PCDH9: variants seen among roughly 807,000 people sequenced by gnomAD.
PCDH9 encodes the protein protocadherin 9, also known as protocadherin-9.
PCDH9 carries 24 observed loss-of-function variants against 70.6 expected under a neutral mutation model. The ratio of observed to expected loss-of-function variants is 0.34; its 90% confidence interval spans 0.25 to 0.48. PCDH9 has a LOEUF of 0.48. Ranked by LOEUF, PCDH9 falls within the 20% of genes least tolerant of loss-of-function variation. The pLI is 0.99. For synonymous variants in PCDH9, 562 were observed against 558.5 expected (o/e 1.01, Z -0.09); for missense variants, 1,281 against 1,503.6 (o/e 0.85, Z 2.45).
At chr13:67,149,413 A>G (rs2087603855) in intron 2 of PCDH9, among the ~76,000 whole-genome samples, 1 of 152,082 alleles carries the variant, frequency 6.6e-6, no homozygotes, top group Admixed American at 6.6e-5. Flanking sequence ...AGGTGTGATG[A>G]GAATTCAATA....
At chr13:66,883,371 G>C (rs565761145) in intron 3 of PCDH9, among the ~76,000 whole-genome samples, 6 of 152,270 alleles carry the variant, frequency 3.9e-5, no homozygotes, top group Non-Finnish European at 7.4e-5. Context: ...ACTAATGTGT[G>C]TGTGTGTGTG....
At chr13:66,371,876 T>C (rs139172418) in intron 4 of PCDH9, among the ~76,000 whole-genome samples, 113 of 152,136 alleles carry the variant, frequency 7.4e-4, no homozygotes, top group African/African-American at 2.7e-3. Flanking sequence ...TCATGATCTC[T>C]TCCCTGCAGA....
intron 2 of PCDH9, among the ~76,000 whole-genome samples, chr13:67,078,587 A>C (rs184271043): frequency 1.3e-5 from 2 of 152,120 alleles, no homozygotes; most frequent in Non-Finnish European, 2.9e-5. Flanking sequence ...TAAAATGGTA[A>C]GCTCAAATCC....
chr13:66,994,552 T>G (rs764604347), intron 2 of PCDH9, among the ~76,000 whole-genome samples: 43 of 152,234 alleles, frequency 2.8e-4, no homozygotes, highest in Non-Finnish European at 4.4e-4. Flanking sequence ...TGATAACTGA[T>G]AAGAATTCTT....
chr13:66,432,087 T>A (rs1957781456), intron 4 of PCDH9, among the ~76,000 whole-genome samples: 1 of 152,032 alleles, frequency 6.6e-6, no homozygotes, highest in African/African-American at 2.4e-5. Context: ...CCTTTACATT[T>A]AAGCTAAACT....
intron 2 of PCDH9, among the ~76,000 whole-genome samples, chr13:67,030,228 A>G (rs2084875789): frequency 6.6e-6 from 1 of 152,280 alleles, no homozygotes. Context: ...TTTTCAATAC[A>G]CACAAATGGG....
intron 2 of PCDH9, among the ~76,000 whole-genome samples, chr13:66,938,844 T>G (rs949405574): frequency 1.3e-5 from 2 of 152,162 alleles, no homozygotes; most frequent in African/African-American, 4.8e-5. Context: ...TATATGTAGA[T>G]CATTTTAAAA....
At chr13:67,197,940 G>T (rs534920337) in intron 2 of PCDH9, among the ~76,000 whole-genome samples, 3 of 151,644 alleles carry the variant, frequency 2.0e-5, no homozygotes, top group African/African-American at 7.2e-5. Context: ...ATAATGCAAA[G>T]AAAGTAACAC....
chr13:66,599,687 ACTCAGCCTCAC>A (rs2077143263), intron 4 of PCDH9, among the ~76,000 whole-genome samples: 2 of 151,534 alleles, frequency 1.3e-5, no homozygotes. Flanking sequence ...GTGTATCCAT[ACTCAGCCTCAC>A]CTCAGCCTCA....
At chr13:66,631,061 G>C in intron 4 of PCDH9, 149 bp downstream of exon 4, 1 of 576,966 alleles carries the variant, frequency 1.7e-6, no homozygotes, top group South Asian at 2.3e-5. Flanking sequence ...CATATTAAAT[G>C]TATATCTCAA....
intron 4 of PCDH9, among the ~76,000 whole-genome samples, chr13:66,527,989 G>A (rs1007745156): frequency 6.6e-6 from 1 of 152,184 alleles, no homozygotes; most frequent in Non-Finnish European, 1.5e-5. Context: ...CTGCACTCCA[G>A]CCTGGGTGAC....
At chr13:66,826,728 G>T (rs1203269611) in intron 3 of PCDH9, among the ~76,000 whole-genome samples, 3 of 152,092 alleles carry the variant, frequency 2.0e-5, no homozygotes, top group African/African-American at 4.8e-5. Context: ...AAGAAAGGAA[G>T]ATTTTAGAAA....
intron 4 of PCDH9, among the ~76,000 whole-genome samples, chr13:66,478,771 A>G (rs1958780521): frequency 6.6e-6 from 1 of 152,228 alleles, no homozygotes; most frequent in African/African-American, 2.4e-5. Context: ...TTAAGGAAAG[A>G]TGTTTTCATA....
intron 3 of PCDH9, among the ~76,000 whole-genome samples, chr13:66,727,169 G>A (rs981158748): frequency 2.6e-5 from 4 of 152,106 alleles, no homozygotes; most frequent in Non-Finnish European, 5.9e-5. Context: ...TTGGAAGAAC[G>A]AGGAATATCC....
At position 66,866,249 on chromosome 13, in the gene PCDH9, G is replaced by A. The variant is rs180777907; in HGVS notation, c.3138+37255C>T. On this transcript the variant is annotated intron_variant, in intron 3 of 4. Transcript: ENST00000377865. ...TGTAATCCCAGCACTTTGGGAGGCCGAGGTGGGCTGATCACGAGGTCAGGA... is the reference window on the plus strand; with the variant it reads ...TGTAATCCCAGCACTTTGGGAGGCCAAGGTGGGCTGATCACGAGGTCAGGA... Among the ~76,000 whole-genome samples the A allele has an allele frequency of 7.8e-3, 1,180 of 152,206 alleles. 11 individuals carry two copies. The highest frequency in any genetic ancestry group is 0.026 in the African/African-American group (1,097 of 41,530).
At chr13:66,486,573 C>T (rs1272571783) in intron 4 of PCDH9, among the ~76,000 whole-genome samples, 1 of 148,570 alleles carries the variant, frequency 6.7e-6, no homozygotes, top group Non-Finnish European at 1.5e-5. Context: ...GAGGTTGAAG[C>T]TACAGTAGGC....
intron 4 of PCDH9, among the ~76,000 whole-genome samples, chr13:66,504,863 C>A (rs1280604340): frequency 6.6e-6 from 1 of 152,122 alleles, no homozygotes; most frequent in Non-Finnish European, 1.5e-5. Context: ...CCATGGTTAT[C>A]TTTTCCCAAG....
At chr13:67,157,790 A>G (rs1162020463) in intron 2 of PCDH9, among the ~76,000 whole-genome samples, 2 of 152,228 alleles carry the variant, frequency 1.3e-5, no homozygotes, top group African/African-American at 4.8e-5. Context: ...AGGCAGCCTT[A>G]AGTCTAGCAC....
chr13:66,479,605 A>G (rs1958800380), intron 4 of PCDH9, among the ~76,000 whole-genome samples: 1 of 150,372 alleles, frequency 6.7e-6, no homozygotes, highest in Non-Finnish European at 1.5e-5. Context: ...AGGATTGTAA[A>G]TGCACCAATC....
Sources: gnomAD v4.1 joint callset for allele counts (sites outside exome capture counted in the v4.1 genomes callset) on GRCh38, gnomAD v4.1.1 for gene constraint, MANE v1.5 for transcripts, NCBI Gene and HGNC (gene_info 2026-07-23, HGNC 2026-07-21) for gene names.